NOX5: variants seen among roughly 807,000 people sequenced by gnomAD.
The protein encoded by NOX5 is NADPH oxidase 5.
Under a neutral mutation model 85.7 loss-of-function variants are expected in NOX5, and 76 were observed. The observed-to-expected ratio is 0.89, with a 90% CI of 0.74 to 1.07. The LOEUF is 1.07. Among genes scored for constraint, NOX5 ranks in the 50% least tolerant of loss-of-function variants. The pLI, the probability that NOX5 is intolerant of heterozygous loss-of-function variation, is 0.00. For missense variants in NOX5, 973 were observed against 999.5 expected, an observed-to-expected ratio of 0.97 and a Z score of 0.36; for synonymous variants, 405 against 401.4, an observed-to-expected ratio of 1.01 and a Z score of -0.11.
intron 2 of NOX5, among the ~76,000 whole-genome samples, chr15:69,028,007 C>T (rs1438989624): frequency 6.6e-6 from 1 of 152,160 alleles, no homozygotes; most frequent in Non-Finnish European, 1.5e-5. Flanking sequence ...GAAGTCCAAA[C>T]CAAGCCCATC....
At chr15:69,044,866 T>C (rs1287069006) in intron 10 of NOX5, among the ~76,000 whole-genome samples, 2 of 152,220 alleles carry the variant, frequency 1.3e-5, no homozygotes, top group Non-Finnish European at 2.9e-5. Context: ...CAAAGCAGAG[T>C]GTACAGCCCC....
chr15:69,044,355 A>C (rs182210067), intron 10 of NOX5, among the ~76,000 whole-genome samples: 40 of 152,330 alleles, frequency 2.6e-4, no homozygotes, highest in African/African-American at 9.4e-4. Flanking sequence ...TCTGGTGGGG[A>C]GACAGACAAT....
At chr15:69,033,760 T>C (rs1034254582) in intron 5 of NOX5, among the ~76,000 whole-genome samples, 2 of 148,478 alleles carry the variant, frequency 1.3e-5, no homozygotes, top group African/African-American at 5.0e-5. Flanking sequence ...AATGGCACGA[T>C]CTCAGCTCAC....
chr15:69,033,283 C>T lies in NOX5; in HGVS notation c.855+6C>T, dbSNP rs1162688107. On this transcript the variant is annotated splice_donor_region_variant and intron_variant, in intron 5 of 15. Transcript: ENST00000388866. ...TCGACTGCAGCTTCATCGCGGTAGG[C>T]TCTGCCAGCACACGGTGCTCTGAAA... The T allele has an allele frequency of 6.3e-7, 1 of 1,592,702 alleles. No homozygotes were observed. The highest frequency in any genetic ancestry group is 1.1e-5 in the South Asian group (1 of 89,342).
In NOX5 at chr15:69,033,302, T is replaced by C. The variant is rs1372559337; in HGVS notation, c.855+25T>C. The C allele has an allele frequency of 6.3e-6, 10 of 1,585,608 alleles. No individual in the cohort carries two copies. The Admixed American group carries it at 1.0e-4, about 16-fold the overall frequency. On this transcript the variant is annotated intron_variant, in intron 5 of 15. Coordinates refer to ENST00000388866, the MANE Select transcript of NOX5 (RefSeq NM_024505.4). ...GGTAGGCTCTGCCAGCACACGGTGC[T>C]CTGAAAATGTTAATTAGGAGCCGAG...
rs2050852291 is a variant in NOX5 at position 69,059,603 on chromosome 15, A to G, written c.*2907A>G. ...AACTGAACAGGCCTGGCTTGGGGAG[A>G]GTTCACAGGTCCAGGTTCTGTCTGC... On this transcript the variant is annotated 3_prime_UTR_variant, in exon 16 of 16. Coordinates refer to ENST00000388866, the MANE Select transcript of NOX5 (RefSeq NM_024505.4). 1 of 152,088 alleles carries G rather than the reference A, an allele frequency of 6.6e-6. No individual in the cohort carries two copies. Among genetic ancestry groups the G allele is most frequent in the Admixed American group, 6.6e-5 (1 of 15,264 alleles). 9.4% of individuals were successfully genotyped at this position (152,088 alleles called of 1,614,324 possible). A position where few individuals can be genotyped will look rare whatever the true frequency, so the allele number is the denominator to read the frequency against.
intron 14 of NOX5, among the ~76,000 whole-genome samples, chr15:69,050,964 G>A (rs1032438748): frequency 6.6e-6 from 1 of 152,140 alleles, no homozygotes; most frequent in Non-Finnish European, 1.5e-5. Flanking sequence ...AGTTTTTCTG[G>A]TCATTTTCTT....
intron 3 of NOX5, chr15:69,031,308 G>T (rs918593438): frequency 1.7e-6 from 1 of 583,926 alleles, no homozygotes. Flanking sequence ...GGGAGTTACC[G>T]ATTCTGGAGA....
intron 1 of NOX5, among the ~76,000 whole-genome samples, chr15:69,017,534 C>T (rs1007323546): frequency 9.9e-5 from 15 of 152,258 alleles, no homozygotes; most frequent in African/African-American, 3.6e-4. Flanking sequence ...ACCTACGACC[C>T]GGAAGCCCCT....
intron 1 of NOX5, among the ~76,000 whole-genome samples, chr15:69,015,819 G>A (rs988266832): frequency 6.6e-6 from 1 of 151,698 alleles, no homozygotes; most frequent in African/African-American, 2.4e-5. Context: ...ATGGGAAGGC[G>A]GCTTCAGCTC....
chr15:69,026,744 C>G, intron 2 of NOX5, 93 bp downstream of exon 2: 2 of 1,554,092 alleles, frequency 1.3e-6, no homozygotes, highest in South Asian at 2.3e-5. Flanking sequence ...AGGGAACTCC[C>G]TGGGGTTCCT....
intron 11 of NOX5, 119 bp from the exon 12 acceptor site, chr15:69,047,294 G>A: frequency 7.4e-6 from 10 of 1,349,586 alleles, no homozygotes; most frequent in Non-Finnish European, 9.9e-6. Flanking sequence ...CTGGCTTCCA[G>A]CCCAGGAGAT....
At chr15:69,056,423 G>A in intron 15 of NOX5, 142 bp from the exon 16 acceptor site, 1 of 1,049,688 alleles carries the variant, frequency 9.5e-7, no homozygotes, top group Non-Finnish European at 1.4e-6. Flanking sequence ...CCCAGCAGCT[G>A]TGCCATGCAG....
In NOX5 at chr15:69,060,366, C is replaced by A. The variant is rs2050860833; in HGVS notation, c.*3670C>A. On this transcript the variant is annotated 3_prime_UTR_variant, in exon 16 of 16. Transcript: ENST00000388866. ...GAGACACAGTGGACAAACCTTTGCC[C>A]TCTGGGAGGCAGGGCACTGAGTCCT... The A allele has an allele frequency of 6.6e-6, 1 of 152,152 alleles. No individual in the cohort carries two copies. Among genetic ancestry groups the A allele is most frequent in the South Asian group, 2.1e-4 (1 of 4,832 alleles). The allele number at this position is 152,152 out of a possible 1,614,324, so 9.4% of individuals were successfully genotyped here. A position where few individuals can be genotyped will look rare whatever the true frequency, so the allele number is the denominator to read the frequency against.
At chr15:69,019,063 A>G (rs1403159929) in intron 1 of NOX5, among the ~76,000 whole-genome samples, 1 of 152,092 alleles carries the variant, frequency 6.6e-6, no homozygotes, top group African/African-American at 2.4e-5. Context: ...AGGTTTCACT[A>G]TGTTGCGCAG....
chr15:69,032,770 A>G (rs1567097806), intron 4 of NOX5, among the ~76,000 whole-genome samples: 1 of 152,162 alleles, frequency 6.6e-6, no homozygotes, highest in African/African-American at 2.4e-5. Context: ...AGATTCTTCC[A>G]TCCTTTTCGA....
chr15:69,017,016 C>G (rs2050239455), intron 1 of NOX5, among the ~76,000 whole-genome samples: 1 of 152,136 alleles, frequency 6.6e-6, no homozygotes, highest in Admixed American at 6.5e-5. Context: ...AGAACAGACC[C>G]TTTAAGTCTG....
At position 69,048,027 on chromosome 15, in the gene NOX5, C is replaced by A. The variant is rs143181606; in HGVS notation, c.1899+116C>A. 344 of 833,828 alleles carry A rather than the reference C, an allele frequency of 4.1e-4. 3 individuals are homozygous for A. In the East Asian group the frequency reaches 8.2e-3, roughly 20 times the overall value. The allele number at this position is 833,828 out of a possible 1,614,324, so 51.7% of individuals were successfully genotyped here. ...GCGGATAGGTGATCCCTAATGGGATCTTTCTTTCCCCACAATACCCTGAAT... is the reference window on the plus strand; with the variant it reads ...GCGGATAGGTGATCCCTAATGGGATATTTCTTTCCCCACAATACCCTGAAT... On this transcript the variant is annotated intron_variant, in intron 13 of 15. Coordinates refer to ENST00000388866, the MANE Select transcript of NOX5 (RefSeq NM_024505.4).
At chr15:69,036,881 G>T in intron 7 of NOX5, 147 bp from the exon 8 acceptor site, 1 of 661,954 alleles carries the variant, frequency 1.5e-6, no homozygotes, top group South Asian at 2.0e-5. Context: ...AAGCTTCCCA[G>T]CCCCAACATC....
Sources: allele counts gnomAD v4.1 joint callset (sites outside exome capture counted in the v4.1 genomes callset), GRCh38; gene constraint gnomAD v4.1.1; transcripts MANE v1.5; gene names NCBI Gene and HGNC (gene_info 2026-07-23, HGNC 2026-07-21).